The following ANKDD1A variants were observed in gnomAD, a reference collection of about 807,000 sequenced individuals.
ANKDD1A encodes ankyrin repeat and death domain containing 1A, also known as ankyrin repeat and death domain-containing protein 1A.
A neutral mutation model predicts 63.5 loss-of-function variants in ANKDD1A; 59 were observed. The ratio of observed to expected loss-of-function variants is 0.93; its 90% CI spans 0.75 to 1.15. ANKDD1A has a LOEUF of 1.15. ANKDD1A is among the 50% of genes most tolerant of loss of function. ANKDD1A has a pLI of 0.00. For synonymous variants in ANKDD1A, 266 were observed against 263.9 expected (o/e 1.01, Z -0.08); for missense variants, 632 against 656.4 (o/e 0.96, Z 0.41).
intron 9 of ANKDD1A, among the ~76,000 whole-genome samples, chr15:64,936,990 C>A (rs1248056144): frequency 6.6e-6 from 1 of 152,170 alleles, no homozygotes; most frequent in African/African-American, 2.4e-5. Context: ...ATTAATACTA[C>A]ATGGAGATAT....
chr15:64,948,644 G>A (rs2085242747), intron 13 of ANKDD1A, among the ~76,000 whole-genome samples: 1 of 152,052 alleles, frequency 6.6e-6, no homozygotes, highest in Non-Finnish European at 1.5e-5. Context: ...GGCCAACATG[G>A]TGAATCCCCC....
rs201047267 is a variant in ANKDD1A at position 64,930,920 on chromosome 15, G to T, written c.669G>T (p.Ala223=). The T allele has an allele frequency of 1.1e-4, 172 of 1,610,386 alleles. 1 individual carries two copies. The highest frequency in any genetic ancestry group is 1.3e-4 in the Non-Finnish European group (156 of 1,179,894). The change falls in exon 7 of 15, where the codon GCG becomes GCT. Residue 223 remains alanine, a splice_region_variant and synonymous_variant. Transcript: ENST00000319580. ...DIGLDLEEQN[A]EGLTALHSAA... The stretch of plus-strand genomic sequence containing the variant: ...GGCTGGACCTGGAGGAGCAGAATGC[G>T]GTGAGTCACCGCCTGGGGATGGCGA...
chr15:64,940,942 T>C (rs1178735012), intron 9 of ANKDD1A, among the ~76,000 whole-genome samples: 4 of 152,124 alleles, frequency 2.6e-5, no homozygotes, highest in African/African-American at 9.7e-5. Context: ...AGGGTCCCAC[T>C]ATGTTGTCCA....
intron 6 of ANKDD1A, among the ~76,000 whole-genome samples, chr15:64,928,800 TTC>T: frequency 6.6e-6 from 1 of 152,250 alleles, no homozygotes; most frequent in South Asian, 2.1e-4. Flanking sequence ...CAAGGCTGCC[TTC>T]TGCCCAGCTG....
rs111999356 is a variant in ANKDD1A at position 64,927,753 on chromosome 15, C to T, written c.570+754C>T. Among the ~76,000 whole-genome samples, 50 of 152,050 alleles carry T rather than the reference C, an allele frequency of 3.3e-4. 1 individual carries two copies. Among genetic ancestry groups the T allele is most frequent in the African/African-American group, 1.2e-3 (49 of 41,462 alleles). On this transcript the variant is annotated intron_variant, in intron 6 of 14. Coordinates refer to ENST00000319580, the MANE Select transcript of ANKDD1A (RefSeq NM_182703.6). ...CCGAATAGCTGGGACTGTAGGCGCCCGCCACCACACCCAGCTAATTTTTTT... is the reference window on the plus strand; with the variant it reads ...CCGAATAGCTGGGACTGTAGGCGCCTGCCACCACACCCAGCTAATTTTTTT...
chr15:64,956,230 TC>T (rs1466721570), intron 14 of ANKDD1A, among the ~76,000 whole-genome samples: 6 of 124,284 alleles, frequency 4.8e-5, no homozygotes, highest in African/African-American at 8.6e-5. Context: ...TTCTTTGGAT[TC>T]CTTTTTTTTT....
chr15:64,912,087 T>C, intron 1 of ANKDD1A, 123 bp downstream of exon 1: 2 of 974,500 alleles, frequency 2.1e-6, no homozygotes, highest in East Asian at 3.3e-5. Flanking sequence ...GGGGCGTCTG[T>C]GTGGCTCCGA....
At chr15:64,932,611 G>A (rs2085100399) in intron 8 of ANKDD1A, 2 of 152,070 alleles carry the variant, frequency 1.3e-5, no homozygotes, top group Admixed American at 1.3e-4. Flanking sequence ...CTGGTTGAAT[G>A]GCTTCAGGTT....
intron 14 of ANKDD1A, chr15:64,950,349 G>T: frequency 2.0e-6 from 2 of 985,316 alleles, no homozygotes; most frequent in South Asian, 9.4e-5. Context: ...AGCCAAAACT[G>T]ACTTAATATG....
chr15:64,955,392 C>T (rs896203469), intron 14 of ANKDD1A, among the ~76,000 whole-genome samples: 1 of 152,126 alleles, frequency 6.6e-6, no homozygotes, highest in Non-Finnish European at 1.5e-5. Flanking sequence ...GCTAGAGGGA[C>T]TGAGAAGCTG....
chr15:64,954,954 CTCCTT>C (rs1230559958), intron 14 of ANKDD1A, among the ~76,000 whole-genome samples: 1 of 148,034 alleles, frequency 6.8e-6, no homozygotes, highest in African/African-American at 2.5e-5. Context: ...CTTCTTCTCT[CTCCTT>C]CTTCTTCTCC....
rs2085264684 is a variant in ANKDD1A at position 64,950,844 on chromosome 15, A to ATAGT, written c.1483+874_1483+877dup. The ATAGT allele has an allele frequency of 5.7e-5, 63 of 1,099,270 alleles. 1 individual carries two copies. The South Asian group carries it at 1.2e-3, about 22-fold the overall frequency. 68.1% of individuals were successfully genotyped at this position (1,099,270 alleles called of 1,614,324 possible). A position where few individuals can be genotyped will look rare whatever the true frequency, so the allele number is the denominator to read the frequency against. ...TTCTTTCCCCAAAATGTTCTTAAAT[A>ATAGT]TAGTTGTTACATCTTTTAACACAAA... is the stretch of plus-strand genomic sequence containing the variant. On this transcript the variant is annotated intron_variant, in intron 14 of 14. Coordinates refer to ENST00000319580, the MANE Select transcript of ANKDD1A (RefSeq NM_182703.6).
At chr15:64,943,624 C>A in intron 11 of ANKDD1A, 42 bp downstream of exon 11, 1 of 1,590,058 alleles carries the variant, frequency 6.3e-7, no homozygotes, top group Non-Finnish European at 8.6e-7. Context: ...GCTTTCATGG[C>A]TCCCCCCTTG....
intron 4 of ANKDD1A, among the ~76,000 whole-genome samples, chr15:64,923,433 T>C (rs1239321936): frequency 1.3e-5 from 2 of 152,238 alleles, no homozygotes; most frequent in African/African-American, 4.8e-5. Context: ...AATAGGAAAC[T>C]AATACGCCAT....
Position 64,931,639 on chromosome 15 carries a change from A to G in ANKDD1A, c.768+54A>G, listed in dbSNP as rs1289561070. On this transcript the variant is annotated intron_variant, in intron 8 of 14. Transcript: ENST00000319580. ...GGCTCTTGGCTGCTGAGCCATAGCC[A>G]TGTCGGCAGTAACGGCCACAGGGAT... 4 of 1,578,432 alleles carry G rather than the reference A, an allele frequency of 2.5e-6. No individual in the cohort carries two copies. In the African/African-American group the frequency reaches 4.0e-5, roughly 16 times the overall value.
chr15:64,947,115 A>T (rs2085229781), intron 12 of ANKDD1A, among the ~76,000 whole-genome samples: 1 of 152,216 alleles, frequency 6.6e-6, no homozygotes, highest in Non-Finnish European at 1.5e-5. Context: ...GCTCCCTGGA[A>T]GTAGCACATG....
chr15:64,952,535 TCTC>T (rs1481736178), intron 14 of ANKDD1A, among the ~76,000 whole-genome samples: 4 of 149,182 alleles, frequency 2.7e-5, no homozygotes, highest in African/African-American at 9.9e-5. Flanking sequence ...TTCGTCTTCT[TCTC>T]CTTCTCCTCC....
intron 14 of ANKDD1A, among the ~76,000 whole-genome samples, chr15:64,953,566 C>CAG (rs2085347302): frequency 1.2e-5 from 1 of 83,064 alleles, no homozygotes. Context: ...TTTCTTCCTC[C>CAG]TTCTTCTTAG....
chr15:64,942,618 C>G, intron 10 of ANKDD1A, 53 bp downstream of exon 10: 1 of 1,462,784 alleles, frequency 6.8e-7, no homozygotes, highest in Admixed American at 1.9e-5. Context: ...GAAACCCTCC[C>G]AGGCTGGCAG....
Sources: allele counts gnomAD v4.1 joint callset (sites outside exome capture counted in the v4.1 genomes callset), GRCh38; gene constraint gnomAD v4.1.1; transcripts MANE v1.5; gene names NCBI Gene and HGNC (gene_info 2026-07-23, HGNC 2026-07-21).